TRPS1: variants seen among roughly 807,000 people sequenced by gnomAD.
The protein encoded by TRPS1 is zinc finger transcription factor Trps1.
TRPS1 carries 6 observed loss-of-function variants against 101.2 expected under a neutral mutation model. The ratio of observed to expected loss-of-function variants is 0.06; its 90% CI spans 0.03 to 0.12. The LOEUF (loss-of-function observed/expected upper bound fraction) is 0.12. TRPS1 is among the 10% of genes least tolerant of loss of function. TRPS1 has a pLI of 1.00. For synonymous variants in TRPS1, 578 were observed against 589.8 expected (o/e 0.98, Z 0.29); for missense variants, 1,363 against 1,567.0 (o/e 0.87, Z 2.20).
At chr8:115,543,400 G>A (rs545159469) in intron 5 of TRPS1, among the ~76,000 whole-genome samples, 4 of 152,164 alleles carry the variant, frequency 2.6e-5, no homozygotes, top group Admixed American at 2.6e-4. Flanking sequence ...CATAAAAATT[G>A]CCAATTAGCT....
intron 5 of TRPS1, among the ~76,000 whole-genome samples, chr8:115,467,079 G>T (rs1374100633): frequency 6.6e-6 from 1 of 152,018 alleles, no homozygotes. Flanking sequence ...TTTTCTTAAA[G>T]AAATTTTGAA....
In TRPS1 at chr8:115,410,153, C is replaced by T. The variant is rs953905017; in HGVS notation, c.*3870G>A. 1 of 152,014 alleles carries T rather than the reference C, an allele frequency of 6.6e-6. No individual in the cohort carries two copies. Among genetic ancestry groups the T allele is most frequent in the Non-Finnish European group, 1.5e-5 (1 of 67,984 alleles). The allele number at this position is 152,014 out of a possible 1,614,324, so 9.4% of individuals were successfully genotyped here. On this transcript the variant is annotated 3_prime_UTR_variant, in exon 7 of 7. Transcript: ENST00000395715. ...CCGGTCACTTTGTGATGTTTTGCAG[C>T]CACACAACAGGAGGCTAATAATTAT...
intron 1 of TRPS1, among the ~76,000 whole-genome samples, chr8:115,642,756 T>C (rs188007968): frequency 1.3e-5 from 2 of 151,272 alleles, no homozygotes; most frequent in Non-Finnish European, 2.9e-5. Flanking sequence ...GCAAAAACAT[T>C]AGTAAGTTTA....
chr8:115,562,501 A>C (rs1375536794), intron 5 of TRPS1, among the ~76,000 whole-genome samples: 3 of 149,692 alleles, frequency 2.0e-5, no homozygotes, highest in Non-Finnish European at 4.5e-5. Context: ...GGTCAGTGTG[A>C]TTGCCAGGAA....
Position 115,418,279 on chromosome 8 carries a change from G to A in TRPS1, c.2823+51C>T, listed in dbSNP as rs2129768099. On this transcript the variant is annotated intron_variant, in intron 6 of 6. Transcript: ENST00000395715. The surrounding 1 kb of genome is among the most constrained non-coding windows in gnomAD (Gnocchi z 4.3). The stretch of plus-strand genomic sequence containing the variant: ...TGGGACTTATCACACCACAGACCAG[G>A]CCAACACTGCTTTATAAAGCTTTTC... 6.2e-7 allele frequency: 1 copy of A among 1,613,594 alleles called. No homozygotes were observed. Among genetic ancestry groups the A allele is most frequent in the East Asian group, 2.2e-5 (1 of 44,860 alleles).
At chr8:115,516,471 G>A (rs1009850811) in intron 5 of TRPS1, among the ~76,000 whole-genome samples, 1 of 151,462 alleles carries the variant, frequency 6.6e-6, no homozygotes, top group African/African-American at 2.4e-5. Context: ...GACTCAAAAA[G>A]CACAAGTTGC....
At chr8:115,523,932 T>C (rs887160028) in intron 5 of TRPS1, among the ~76,000 whole-genome samples, 3 of 152,164 alleles carry the variant, frequency 2.0e-5, no homozygotes, top group African/African-American at 7.2e-5. Context: ...CTTTCCAAAA[T>C]AGTTTTAAGA....
chr8:115,596,366 G>T (rs1170823919), intron 4 of TRPS1, among the ~76,000 whole-genome samples: 1 of 151,818 alleles, frequency 6.6e-6, no homozygotes, highest in Non-Finnish European at 1.5e-5. Flanking sequence ...CTTGACATGG[G>T]CAATGATGAG....
At chr8:115,561,887 T>C (rs147570679) in intron 5 of TRPS1, among the ~76,000 whole-genome samples, 8 of 151,582 alleles carry the variant, frequency 5.3e-5, no homozygotes, top group African/African-American at 1.9e-4. Context: ...GAATTACCAA[T>C]ATGAACTGAG....
At chr8:115,475,528 T>C (rs935040416) in intron 5 of TRPS1, among the ~76,000 whole-genome samples, 61 of 152,046 alleles carry the variant, frequency 4.0e-4, no homozygotes, top group Admixed American at 1.7e-3. Context: ...AGTAAATGTA[T>C]GGTAATATGC....
At chr8:115,499,939 C>A (rs1351315559) in intron 5 of TRPS1, among the ~76,000 whole-genome samples, 2 of 79,508 alleles carry the variant, frequency 2.5e-5, no homozygotes, top group African/African-American at 5.6e-5. Context: ...TTCTTTCTTT[C>A]TTTCTTTCTT....
intron 5 of TRPS1, among the ~76,000 whole-genome samples, chr8:115,577,237 G>C (rs1471050432): frequency 6.6e-6 from 1 of 152,024 alleles, no homozygotes; most frequent in Non-Finnish European, 1.5e-5. Flanking sequence ...TTTAAGTAAA[G>C]TGAATGTCTC....
intron 1 of TRPS1, among the ~76,000 whole-genome samples, chr8:115,639,951 C>A (rs1448216250): frequency 6.6e-6 from 1 of 152,096 alleles, no homozygotes; most frequent in Non-Finnish European, 1.5e-5. Context: ...AACTGAGAGA[C>A]CTTAACTTCT....
intron 4 of TRPS1, among the ~76,000 whole-genome samples, chr8:115,588,621 A>C (rs1465390354): frequency 6.6e-6 from 1 of 152,246 alleles, no homozygotes; most frequent in Non-Finnish European, 1.5e-5. Flanking sequence ...CCCGAAAGAT[A>C]CACAAGTGAT....
chr8:115,542,086 T>C (rs1816466695), intron 5 of TRPS1, among the ~76,000 whole-genome samples: 1 of 152,192 alleles, frequency 6.6e-6, no homozygotes, highest in African/African-American at 2.4e-5. Flanking sequence ...GCCTAGCCAA[T>C]ATTCCATTTG....
At chr8:115,598,694 G>A (rs974764768) in intron 4 of TRPS1, among the ~76,000 whole-genome samples, 4 of 152,254 alleles carry the variant, frequency 2.6e-5, no homozygotes, top group South Asian at 2.1e-4. Flanking sequence ...ATCAGAAAAT[G>A]TCTTTGCTTT....
chr8:115,425,148 C>T lies in TRPS1; in HGVS notation c.2701-6696G>A, dbSNP rs1813157221. On this transcript the variant is annotated intron_variant, in intron 5 of 6. Coordinates refer to ENST00000395715, the MANE Select transcript of TRPS1 (RefSeq NM_014112.5). ...AACAATTGAACAAGACCAGGGAAAG[C>T]ACTCTGCCAACAGAAAGCAATAGTT... 2.0e-5 allele frequency among the ~76,000 whole-genome samples: 3 copies of T among 152,322 alleles called. No individual in the cohort carries two copies. The South Asian group carries it at 6.2e-4, about 32-fold the overall frequency.
chr8:115,591,268 A>G (rs886702603), intron 4 of TRPS1, among the ~76,000 whole-genome samples: 1 of 152,198 alleles, frequency 6.6e-6, no homozygotes, highest in Non-Finnish European at 1.5e-5. Flanking sequence ...TGTTTAGAAC[A>G]TGGCATATCT....
chr8:115,637,382 C>T (rs936343483), intron 1 of TRPS1: 9 of 833,660 alleles, frequency 1.1e-5, no homozygotes, highest in African/African-American at 5.6e-5. Context: ...GACATGTAGA[C>T]GGAAGAAGGG....
Sources: gnomAD v4.1 joint callset for allele counts (sites outside exome capture counted in the v4.1 genomes callset) on GRCh38, gnomAD v4.1.1 for gene constraint, Gnocchi (gnomAD v3.1) non-coding constraint, MANE v1.5 for transcripts, NCBI Gene and HGNC (gene_info 2026-07-23, HGNC 2026-07-21) for gene names.